The following SEPTIN9 variants were observed in gnomAD, a reference collection of about 807,000 sequenced individuals.
SEPTIN9 encodes the protein septin 9, also known as septin-9.
SEPTIN9 carries 13 observed loss-of-function variants against 56.6 expected under a neutral mutation model. That is an observed-to-expected ratio of 0.23 (90% CI 0.15 to 0.37). The LOEUF (loss-of-function observed/expected upper bound fraction) is 0.37. Among genes scored for constraint, SEPTIN9 ranks in the 10% least tolerant of loss-of-function variants. The pLI is 1.00. For missense variants in SEPTIN9, 650 were observed against 823.1 expected (o/e 0.79, Z 2.57); for synonymous variants, 332 against 334.1 (o/e 0.99, Z 0.07).
chr17:77,324,165 T>C (rs1005273313), intron 2 of SEPTIN9, among the ~76,000 whole-genome samples: 1 of 152,208 alleles, frequency 6.6e-6, no homozygotes, highest in Non-Finnish European at 1.5e-5. Context: ...TGTCTGTCTC[T>C]CATACGGACA....
At chr17:77,486,686 T>A (rs527859495) in intron 4 of SEPTIN9, among the ~76,000 whole-genome samples, 1 of 152,092 alleles carries the variant, frequency 6.6e-6, no homozygotes, top group Non-Finnish European at 1.5e-5. Context: ...GTATGTGAGT[T>A]GTGTGTGTTG....
intron 1 of SEPTIN9, among the ~76,000 whole-genome samples, chr17:77,301,708 C>T (rs1333967728): frequency 2.6e-5 from 4 of 152,260 alleles, no homozygotes; most frequent in South Asian, 2.1e-4. Context: ...CCACCGTGCC[C>T]GGCCAGGAAT....
At chr17:77,484,832 A>ATGG (rs1217549763) in intron 4 of SEPTIN9, among the ~76,000 whole-genome samples, 3 of 29,178 alleles carry the variant, frequency 1.0e-4, no homozygotes, top group Non-Finnish European at 1.9e-4. Context: ...GGTGGTGGCG[A>ATGG]TGGTGGTTGT....
At chr17:77,410,547 G>A (rs779689405) in intron 3 of SEPTIN9, among the ~76,000 whole-genome samples, 2 of 152,204 alleles carry the variant, frequency 1.3e-5, no homozygotes, top group Admixed American at 6.5e-5. Context: ...GAGGAGCACC[G>A]GCTTTGCCCT....
At chr17:77,415,715 A>G (rs1405931322) in intron 3 of SEPTIN9, among the ~76,000 whole-genome samples, 1 of 152,030 alleles carries the variant, frequency 6.6e-6, no homozygotes, top group Non-Finnish European at 1.5e-5. Context: ...CATTAGTATG[A>G]GCTCCCAGCC....
intron 3 of SEPTIN9, among the ~76,000 whole-genome samples, chr17:77,427,607 A>G (rs1208583756): frequency 6.6e-6 from 1 of 152,148 alleles, no homozygotes. Context: ...GGCCGGGAAG[A>G]ACAGCTTCTT....
At position 77,400,996 on chromosome 17, in the gene SEPTIN9, C is replaced by T. The variant is rs1240445354; in HGVS notation, c.77-1063C>T. Among the ~76,000 whole-genome samples the T allele has an allele frequency of 2.0e-5, 3 of 152,078 alleles. No homozygotes were observed. The highest frequency in any genetic ancestry group is 3.9e-4 in the East Asian group (2 of 5,178). ...GGAGCTGGTGGTTGGCATCACTGCA[C>T]GGGCTTGTAGTAGTGGATGGGAAGA... is the stretch of plus-strand genomic sequence containing the variant. On this transcript the variant is annotated intron_variant, in intron 2 of 11. Transcript: ENST00000427177. This position sits in a 1 kb window ranked among gnomAD's most constrained non-coding sequence, Gnocchi z 4.1.
chr17:77,438,396 A>G, intron 3 of SEPTIN9, among the ~76,000 whole-genome samples: 1 of 152,146 alleles, frequency 6.6e-6, no homozygotes, highest in Non-Finnish European at 1.5e-5. Flanking sequence ...TTGGCAGGAT[A>G]ATGACTCCCA....
intron 3 of SEPTIN9, among the ~76,000 whole-genome samples, chr17:77,404,394 C>T (rs936181587): frequency 1.1e-4 from 16 of 152,140 alleles, no homozygotes; most frequent in African/African-American, 2.9e-4. Flanking sequence ...ACAGGTTGCG[C>T]GCCACCATGC....
At chr17:77,320,403 CTTTA>C in intron 2 of SEPTIN9, 3 of 1,474,994 alleles carry the variant, frequency 2.0e-6, no homozygotes, top group Admixed American at 1.7e-5. Flanking sequence ...GGACTCGGGG[CTTTA>C]TTTATGCCTG....
intron 3 of SEPTIN9, among the ~76,000 whole-genome samples, chr17:77,448,725 A>T (rs1324885882): frequency 1.3e-5 from 2 of 152,078 alleles, no homozygotes; most frequent in African/African-American, 4.8e-5. Flanking sequence ...TGTTAAGTGA[A>T]TGATATTAAA....
chr17:77,387,623 C>T (rs1449708868), intron 2 of SEPTIN9, among the ~76,000 whole-genome samples: 3 of 152,090 alleles, frequency 2.0e-5, no homozygotes, highest in East Asian at 1.9e-4. Context: ...CTGATGAGGG[C>T]GTGATGAGGT....
intron 3 of SEPTIN9, chr17:77,442,202 G>A (rs2037570339): frequency 6.6e-6 from 1 of 151,966 alleles, no homozygotes; most frequent in Admixed American, 6.6e-5. Context: ...CTTCCCACTT[G>A]TTTTGTTTTT....
In SEPTIN9 at chr17:77,313,161, A is replaced by C. The variant is rs1049384449; in HGVS notation, c.76+5964A>C. Among the ~76,000 whole-genome samples the C allele has an allele frequency of 6.6e-6, 1 of 152,244 alleles. No individual in the cohort carries two copies. The highest frequency in any genetic ancestry group is 1.5e-5 in the Non-Finnish European group (1 of 68,040). Reference sequence around the variant, plus strand: ...TCAGGGGACCTGGGGCAAACTCTGCAAGGGCCCTTGGCCTCTGCACCCCCA... The same window carrying C: ...TCAGGGGACCTGGGGCAAACTCTGCCAGGGCCCTTGGCCTCTGCACCCCCA... On this transcript the variant is annotated intron_variant, in intron 2 of 11. Coordinates refer to ENST00000427177, the MANE Select transcript of SEPTIN9 (RefSeq NM_001113491.2). This position sits in a 1 kb window ranked among gnomAD's most constrained non-coding sequence, Gnocchi z 4.5.
At chr17:77,438,218 C>T (rs765962618) in intron 3 of SEPTIN9, among the ~76,000 whole-genome samples, 4 of 152,230 alleles carry the variant, frequency 2.6e-5, no homozygotes, top group Non-Finnish European at 5.9e-5. Flanking sequence ...CACACACTGC[C>T]TCACTCTGCG....
chr17:77,465,026 C>T (rs772088122), intron 3 of SEPTIN9, among the ~76,000 whole-genome samples: 20 of 152,204 alleles, frequency 1.3e-4, no homozygotes, highest in Non-Finnish European at 2.4e-4. Flanking sequence ...CCCTAGCCAC[C>T]GCTCATCTGC....
chr17:77,461,516 G>T (rs1050130300), intron 3 of SEPTIN9, among the ~76,000 whole-genome samples: 1 of 152,170 alleles, frequency 6.6e-6, no homozygotes, highest in Non-Finnish European at 1.5e-5. Flanking sequence ...CAAGGACGAC[G>T]CTGTCCCTGC....
chr17:77,473,784 A>G (rs1012046053), intron 3 of SEPTIN9, among the ~76,000 whole-genome samples: 1 of 152,076 alleles, frequency 6.6e-6, no homozygotes, highest in Non-Finnish European at 1.5e-5. Flanking sequence ...CATTCTGACT[A>G]CTCTCAAGCC....
At position 77,395,044 on chromosome 17, in the gene SEPTIN9, GT is replaced by G. The variant is rs555475748; in HGVS notation, c.77-7013del. Among the ~76,000 whole-genome samples the G allele has an allele frequency of 9.5e-4, 144 of 151,814 alleles. 1 individual carries two copies. Among genetic ancestry groups the G allele is most frequent in the Non-Finnish European group, 1.3e-3 (89 of 67,974 alleles). ...TGCAGTTACCCACACCCTCCAGCTTGTTGGCATCAAGGTCTGTGTATGTGTG... is the reference window on the plus strand; with the variant it reads ...TGCAGTTACCCACACCCTCCAGCTTGTGGCATCAAGGTCTGTGTATGTGTG... On this transcript the variant is annotated intron_variant, in intron 2 of 11. Transcript: ENST00000427177.
Sources: gnomAD v4.1 joint callset for allele counts (sites outside exome capture counted in the v4.1 genomes callset) on GRCh38, gnomAD v4.1.1 for gene constraint, Gnocchi (gnomAD v3.1) non-coding constraint, MANE v1.5 for transcripts, NCBI Gene and HGNC (gene_info 2026-07-23, HGNC 2026-07-21) for gene names.